Variants in PRMT2 observed in about 807,000 individuals in gnomAD.
PRMT2 encodes protein arginine N-methyltransferase 2.
In PRMT2, 26 loss-of-function variants were observed where a neutral mutation model predicts 57.6. The ratio of observed to expected loss-of-function variants is 0.45; its 90% confidence interval spans 0.33 to 0.63. The LOEUF is 0.63. Ranked by LOEUF, PRMT2 falls within the 20% of genes least tolerant of loss-of-function variation. The pLI, the probability that PRMT2 is intolerant of heterozygous loss-of-function variation, is 0.02. For synonymous variants in PRMT2, 219 were observed against 220.0 expected (o/e 1.00, Z 0.04); for missense variants, 472 against 564.4 (o/e 0.84, Z 1.66).
rs369237621 is a variant in PRMT2 at position 46,657,932 on chromosome 21, ATGTT to A, written c.655-806_655-803del. The A allele has an allele frequency of 3.3e-4, 51 of 152,360 alleles. 1 individual carries two copies. In the East Asian group the frequency reaches 8.3e-3, roughly 25 times the overall value. The allele number at this position is 152,360 out of a possible 1,614,324, so 9.4% of individuals were successfully genotyped here. On this transcript the variant is annotated intron_variant, in intron 7 of 11. Coordinates refer to ENST00000355680, the MANE Select transcript of PRMT2 (RefSeq NM_206962.4). ...GGTACTGGGTTAATATGTGATTTTT[ATGTT>A]TGTTTGAGCTTTTCTAAGTTTTCTA...
intron 3 of PRMT2, among the ~76,000 whole-genome samples, chr21:46,638,590 C>G (rs752831575): frequency 2.6e-5 from 4 of 152,172 alleles, no homozygotes; most frequent in Non-Finnish European, 5.9e-5. Flanking sequence ...CTGTCAGTAG[C>G]CCACAATAGT....
Position 46,646,372 on chromosome 21 carries a change from G to A in PRMT2, c.327+1884G>A, listed in dbSNP as rs188939672. ...CCAATTCCAGCCTCCCACCTCTGCC[G>A]CCTCTCAGCTCAAAGAACCACTGCC... On this transcript the variant is annotated intron_variant, in intron 5 of 11. Transcript: ENST00000355680. Among the ~76,000 whole-genome samples the A allele has an allele frequency of 2.5e-4, 38 of 152,248 alleles. 1 individual carries two copies. The East Asian group carries it at 6.9e-3, about 28-fold the overall frequency.
At chr21:46,653,898 G>T (rs959883986) in intron 7 of PRMT2, 26 of 1,009,270 alleles carry the variant, frequency 2.6e-5, no homozygotes, top group Non-Finnish European at 3.0e-5. Context: ...CACTTTGTCT[G>T]CACTGGGACA....
At chr21:46,640,906 C>T (rs1339416513) in intron 3 of PRMT2, among the ~76,000 whole-genome samples, 2 of 150,814 alleles carry the variant, frequency 1.3e-5, no homozygotes, top group South Asian at 2.1e-4. Flanking sequence ...TGACCTGACT[C>T]TTGAGGCGCT....
rs756225393 is a variant in PRMT2 at position 46,649,577 on chromosome 21, G to A, written c.492G>A (p.Val164=). 6 of 1,613,966 alleles carry A rather than the reference G, an allele frequency of 3.7e-6. No homozygotes were observed. In the African/African-American group the frequency reaches 5.3e-5, roughly 14 times the overall value. ...TGACGGTGCCTCTGCTGCTGCAGGTGTACGCGGTGGAGGCCAGTGAGATGG... is the reference window on the plus strand; with the variant it reads ...TGACGGTGCCTCTGCTGCTGCAGGTATACGCGGTGGAGGCCAGTGAGATGG... ...FCAHYARPRA[V]YAVEASEMAQ... is the part of the protein sequence containing the mutation. The change falls in exon 7 of 12, where the codon GTG becomes GTA. Residue 164 remains valine (V), a splice_region_variant and synonymous_variant. Coordinates refer to ENST00000355680, the MANE Select transcript of PRMT2 (RefSeq NM_206962.4). The surrounding 1 kb of genome is among the most constrained non-coding windows in gnomAD (Gnocchi z 4.8).
At position 46,652,400 on chromosome 21, in the gene PRMT2, G is replaced by A. The variant is rs150224616; in HGVS notation, c.654+2661G>A. ...AATTGCAGCTAAAGAATTGTGTGAC[G>A]TAAAGAGTTGCAATAAGAAAAGCAT... On this transcript the variant is annotated intron_variant, in intron 7 of 11. Transcript: ENST00000355680. The A allele has an allele frequency of 6.2e-5, 66 of 1,069,376 alleles. No homozygotes were observed. In the East Asian group the frequency reaches 1.7e-3, roughly 27 times the overall value. 66.2% of individuals were successfully genotyped at this position (1,069,376 alleles called of 1,614,324 possible).
chr21:46,638,374 G>A (rs1213466203), intron 3 of PRMT2, among the ~76,000 whole-genome samples: 1 of 152,174 alleles, frequency 6.6e-6, no homozygotes, highest in African/African-American at 2.4e-5. Flanking sequence ...TACACAGTAG[G>A]CATATACCCC....
chr21:46,650,041 G>A, intron 7 of PRMT2: 2 of 1,293,196 alleles, frequency 1.5e-6, no homozygotes, highest in African/African-American at 3.0e-5. Flanking sequence ...AGGTAAGGCT[G>A]TTTCTTTAAT....
chr21:46,664,262 T>C (rs1196961901), intron 11 of PRMT2, 33 bp from the exon 12 acceptor site: 1 of 1,517,474 alleles, frequency 6.6e-7, no homozygotes, highest in East Asian at 2.3e-5. Flanking sequence ...TGATTTATCA[T>C]CTGATTGACC....
At chr21:46,664,190 C>T in intron 11 of PRMT2, 105 bp from the exon 12 acceptor site, 1 of 911,536 alleles carries the variant, frequency 1.1e-6, no homozygotes, top group South Asian at 1.6e-5. Context: ...AAAAATTCTG[C>T]ACCTGAATAC....
chr21:46,649,457 ATGC>A lies in PRMT2; in HGVS notation c.490-113_490-111del. 2 of 1,523,018 alleles carry A rather than the reference ATGC, an allele frequency of 1.3e-6. No homozygotes were observed. The highest frequency in any genetic ancestry group is 4.5e-5 in the East Asian group (2 of 44,406). 94.3% of individuals were successfully genotyped at this position (1,523,018 alleles called of 1,614,324 possible). A position where few individuals can be genotyped will look rare whatever the true frequency, so the allele number is the denominator to read the frequency against. On this transcript the variant is annotated intron_variant, in intron 6 of 11. Coordinates refer to ENST00000355680, the MANE Select transcript of PRMT2 (RefSeq NM_206962.4). This position sits in a 1 kb window ranked among gnomAD's most constrained non-coding sequence, Gnocchi z 4.8. ...GTCCTCGCTGCCTCTGCTGTCTGGA[ATGC>A]TGCTTCCCTCTTGTGTCATTGACCA...
intron 3 of PRMT2, 117 bp downstream of exon 3, chr21:46,637,107 C>A: frequency 9.9e-7 from 1 of 1,009,336 alleles, no homozygotes; most frequent in Non-Finnish European, 1.5e-6. Flanking sequence ...AGGTGGCCAC[C>A]GGCAGTAGAA....
chr21:46,652,307 C>G (rs757532924), intron 7 of PRMT2: 120 of 1,255,502 alleles, frequency 9.6e-5, no homozygotes, highest in Non-Finnish European at 1.1e-4. Flanking sequence ...AAATAAAATA[C>G]TTGACAAAAA....
chr21:46,664,205 C>G, intron 11 of PRMT2, 90 bp from the exon 12 acceptor site: 1 of 1,177,928 alleles, frequency 8.5e-7, no homozygotes, highest in Non-Finnish European at 1.3e-6. Flanking sequence ...GAATACTGTT[C>G]TCTTGTCCAA....
rs764113075 is a variant in PRMT2, at chr21:46,664,369, G to A, written c.*42G>A. On this transcript the variant is annotated 3_prime_UTR_variant, in exon 12 of 12. Transcript: ENST00000355680. Reference sequence around the variant, plus strand: ...TGGAAAGCAGTGTGCATATCTTGAGGGGTGATGAACACAAGCAAACCAAGT... The same window carrying A: ...TGGAAAGCAGTGTGCATATCTTGAGAGGTGATGAACACAAGCAAACCAAGT... The A allele has an allele frequency of 3.1e-6, 5 of 1,613,630 alleles. No homozygotes were observed. The Admixed American group carries it at 8.3e-5, about 27-fold the overall frequency.
At chr21:46,637,194 A>G (rs192668313) in intron 3 of PRMT2, among the ~76,000 whole-genome samples, 1 of 152,340 alleles carries the variant, frequency 6.6e-6, no homozygotes, top group Admixed American at 6.5e-5. Context: ...CACCATAACA[A>G]TTCTAAGGAA....
chr21:46,654,231 A>T (rs965733403), intron 7 of PRMT2: 2 of 640,872 alleles, frequency 3.1e-6, no homozygotes, highest in African/African-American at 4.0e-5. Flanking sequence ...AATTGGAAAC[A>T]ACAGAATTGT....
At chr21:46,664,070 C>T (rs1375564183) in intron 11 of PRMT2, among the ~76,000 whole-genome samples, 2 of 152,146 alleles carry the variant, frequency 1.3e-5, no homozygotes, top group Non-Finnish European at 1.5e-5. Context: ...CTTCTTTGGG[C>T]TCAGGATTAA....
chr21:46,656,054 T>G (rs1601947100), intron 7 of PRMT2, among the ~76,000 whole-genome samples: 1 of 151,758 alleles, frequency 6.6e-6, no homozygotes, highest in Non-Finnish European at 1.5e-5. Context: ...TAGTGGGAGG[T>G]GTTTGGGTCA....
Sources: gnomAD v4.1 joint callset for allele counts (sites outside exome capture counted in the v4.1 genomes callset) on GRCh38, gnomAD v4.1.1 for gene constraint, Gnocchi (gnomAD v3.1) non-coding constraint, MANE v1.5 for transcripts, NCBI Gene and HGNC (gene_info 2026-07-23, HGNC 2026-07-21) for gene names.